Variants in IRAG2 observed in about 807,000 individuals in gnomAD.
The protein encoded by IRAG2 is lymphoid restricted membrane protein.
A neutral mutation model predicts 69.9 loss-of-function variants in IRAG2; 45 were observed. The observed-to-expected ratio is 0.64, with a 90% confidence interval of 0.51 to 0.83. The LOEUF (loss-of-function observed/expected upper bound fraction) is 0.83. Among genes scored for constraint, IRAG2 ranks in the 40% least tolerant of loss-of-function variants. The pLI is 0.00. For synonymous variants in IRAG2, 193 were observed against 202.4 expected (o/e 0.95, Z 0.40); for missense variants, 520 against 587.0 (o/e 0.89, Z 1.18).
intron 9 of IRAG2, among the ~76,000 whole-genome samples, chr12:25,028,957 G>A (rs1298698737): frequency 6.6e-6 from 1 of 152,202 alleles, no homozygotes; most frequent in African/African-American, 2.4e-5. Context: ...TAGTGCAGTG[G>A]CATTATCATA....
chr12:25,076,535 G>T, intron 6 of IRAG2: 1 of 984,904 alleles, frequency 1.0e-6, no homozygotes, highest in Non-Finnish European at 1.2e-6. Context: ...TTGCAGAAAT[G>T]ATGTACTCTC....
chr12:25,038,052 C>T, exon 16 of IRAG2: 1 of 398,820 alleles, frequency 2.5e-6, no homozygotes, highest in Non-Finnish European at 4.4e-6. Flanking sequence ...CAAAGAGTCT[C>T]TTGATAAAGA....
At chr12:25,059,714 A>G (rs1257729013) in intron 1 of IRAG2, among the ~76,000 whole-genome samples, 1 of 152,194 alleles carries the variant, frequency 6.6e-6, no homozygotes, top group African/African-American at 2.4e-5. Context: ...TTGAAAAACA[A>G]ACATCTGTTT....
At chr12:25,052,481 T>C (rs185732658), upstream of IRAG2, 1 of 393,512 alleles carries the variant, frequency 2.5e-6, no homozygotes, top group South Asian at 1.4e-4. Flanking sequence ...GCAAGTTCAG[T>C]CCCTAGCGAC....
intron 6 of IRAG2, chr12:25,020,710 A>G: frequency 3.3e-6 from 2 of 608,120 alleles, no homozygotes; most frequent in Non-Finnish European, 4.8e-6. Flanking sequence ...TTGGGTCCAA[A>G]ATAGTCCTTG....
chr12:25,056,559 G>A (rs1183369146), intron 1 of IRAG2, among the ~76,000 whole-genome samples: 1 of 152,208 alleles, frequency 6.6e-6, no homozygotes, highest in African/African-American at 2.4e-5. Context: ...TTGGTTAAAT[G>A]CAGTTGTTGT....
chr12:25,029,363 T>C (rs1944650847), intron 9 of IRAG2, among the ~76,000 whole-genome samples: 1 of 152,202 alleles, frequency 6.6e-6, no homozygotes, highest in Non-Finnish European at 1.5e-5. Flanking sequence ...TTTTATAACC[T>C]CAGGCAAGCT....
intron 14 of IRAG2, chr12:25,090,822 A>T: frequency 2.2e-6 from 1 of 454,010 alleles, no homozygotes; most frequent in Non-Finnish European, 4.4e-6. Context: ...TCAGGCAGAA[A>T]AGGAATCATA....
At chr12:25,087,650 T>C (rs1425066978) in intron 10 of IRAG2, among the ~76,000 whole-genome samples, 1 of 152,096 alleles carries the variant, frequency 6.6e-6, no homozygotes, top group Non-Finnish European at 1.5e-5. Context: ...CATTAAAAAC[T>C]GTAGAGCAGG....
At chr12:25,025,581 A>G (rs1944614743) in intron 8 of IRAG2, among the ~76,000 whole-genome samples, 1 of 152,214 alleles carries the variant, frequency 6.6e-6, no homozygotes. Flanking sequence ...AAGGAGTAAT[A>G]TGATCTAATT....
intron 3 of IRAG2, among the ~76,000 whole-genome samples, chr12:25,012,143 CCTT>C (rs751782681): frequency 0.079 from 1,895 of 23,912 alleles, 272 homozygotes; most frequent in East Asian, 0.41. Flanking sequence ...AAGCGAATTC[CCTT>C]TTTTTTTTTT....
intron 9 of IRAG2, among the ~76,000 whole-genome samples, chr12:25,081,055 A>G (rs1436240250): frequency 6.6e-6 from 1 of 152,240 alleles, no homozygotes; most frequent in Non-Finnish European, 1.5e-5. Flanking sequence ...CATACCTACG[A>G]TAAGTTTAAT....
rs910419983 is a variant in IRAG2, at chr12:25,107,115, C to T, written c.1256+65C>T. The T allele has an allele frequency of 2.4e-5, 20 of 824,552 alleles. No individual in the cohort carries two copies. The African/African-American group carries it at 3.0e-4, about 12-fold the overall frequency. The allele number at this position is 824,552 out of a possible 1,614,324, so 51.1% of individuals were successfully genotyped here. The stretch of plus-strand genomic sequence containing the variant: ...ATGGGAAAGGGTGAGGCAGGGCTGA[C>T]AGTATTAATCCTAATCAAATTACTA... On this transcript the variant is annotated intron_variant, in intron 21 of 21. Coordinates refer to ENST00000556887, the MANE Select transcript of IRAG2 (RefSeq NM_001366544.2).
intron 6 of IRAG2, 99 bp downstream of exon 6, chr12:25,069,530 T>C: frequency 9.5e-7 from 1 of 1,050,736 alleles, no homozygotes; most frequent in Middle Eastern, 2.3e-4. Context: ...ATTTTTTAAG[T>C]ATTATGGATA....
At chr12:25,092,131 A>G (rs10743540) in intron 14 of IRAG2, among the ~76,000 whole-genome samples, 135,806 of 150,296 alleles carry the variant, frequency 0.9, 62,877 homozygotes, top group Non-Finnish European at 1. Flanking sequence ...CAGGTGTGGT[A>G]GCGGGCGTCT....
intron 6 of IRAG2, among the ~76,000 whole-genome samples, chr12:25,072,684 T>G (rs1304636921): frequency 6.6e-6 from 1 of 152,238 alleles, no homozygotes; most frequent in Non-Finnish European, 1.5e-5. Flanking sequence ...TCCTTGTCTC[T>G]AAATGATGGA....
chr12:25,069,258 C>T (rs1039644575), intron 5 of IRAG2, 92 bp from the exon 6 acceptor site: 5 of 606,112 alleles, frequency 8.2e-6, no homozygotes, highest in African/African-American at 1.9e-5. Flanking sequence ...TAGGACTGGG[C>T]GTAGGGGAGT....
intron 6 of IRAG2, among the ~76,000 whole-genome samples, chr12:25,074,794 T>C (rs1373079126): frequency 6.6e-6 from 1 of 152,236 alleles, no homozygotes; most frequent in Non-Finnish European, 1.5e-5. Flanking sequence ...GTGTCTTGTC[T>C]CTCTTTGCGT....
At chr12:25,025,603 A>T (rs889081298) in intron 8 of IRAG2, among the ~76,000 whole-genome samples, 16 of 152,232 alleles carry the variant, frequency 1.1e-4, no homozygotes, top group Non-Finnish European at 1.5e-5. Context: ...CGTTTTAACA[A>T]GACAACTCTG....
Sources: gnomAD v4.1 joint callset for allele counts (sites outside exome capture counted in the v4.1 genomes callset) on GRCh38, gnomAD v4.1.1 for gene constraint, MANE v1.5 for transcripts, NCBI Gene and HGNC (gene_info 2026-07-23, HGNC 2026-07-21) for gene names.